Variants in CELF4 observed in about 807,000 individuals in gnomAD.
CELF4 encodes CUGBP Elav-like family member 4.
Under a neutral mutation model 59.9 loss-of-function variants are expected in CELF4, and 18 were observed. The observed-to-expected ratio is 0.30, with a 90% CI of 0.21 to 0.45. The LOEUF (loss-of-function observed/expected upper bound fraction) is 0.45, where lower values mean the gene tolerates loss of function less well. CELF4 is among the 20% of genes least tolerant of loss of function. The pLI is 1.00. For synonymous variants in CELF4, 261 were observed against 267.1 expected (o/e 0.98, Z 0.22); for missense variants, 456 against 689.0 (o/e 0.66, Z 3.79).
intron 2 of CELF4, among the ~76,000 whole-genome samples, chr18:37,393,792 GGAGC>G (rs1569568625): frequency 6.6e-6 from 1 of 151,290 alleles, no homozygotes; most frequent in Non-Finnish European, 1.5e-5. Flanking sequence ...CTGAAGGTGC[GGAGC>G]ACACTTGACA....
intron 10 of CELF4, among the ~76,000 whole-genome samples, chr18:37,261,825 C>T (rs1162087915): frequency 3.9e-5 from 6 of 152,222 alleles, no homozygotes; most frequent in Non-Finnish European, 5.9e-5. Context: ...AGGCTCAGCT[C>T]AAAGATGAGG....
At chr18:37,286,480 C>G (rs1025991720) in intron 3 of CELF4, among the ~76,000 whole-genome samples, 1 of 152,172 alleles carries the variant, frequency 6.6e-6, no homozygotes, top group Non-Finnish European at 1.5e-5. Context: ...TGGGCATGGG[C>G]CTCCTCGGTG....
intron 3 of CELF4, among the ~76,000 whole-genome samples, chr18:37,295,631 G>GC (rs879514664): frequency 4.6e-5 from 7 of 152,214 alleles, no homozygotes; most frequent in Admixed American, 2.0e-4. Context: ...CTACTTTACA[G>GC]AGGAGGAAAT....
At chr18:37,495,741 G>A (rs1205147404) in intron 1 of CELF4, among the ~76,000 whole-genome samples, 1 of 151,826 alleles carries the variant, frequency 6.6e-6, no homozygotes, top group Non-Finnish European at 1.5e-5. Flanking sequence ...AGAGGACTCT[G>A]TCCTTAGGCT....
intron 1 of CELF4, among the ~76,000 whole-genome samples, chr18:37,520,301 G>A (rs1366412921): frequency 6.6e-6 from 1 of 152,218 alleles, no homozygotes; most frequent in African/African-American, 2.4e-5. Flanking sequence ...AACCAGGCCA[G>A]AGTGCTGTGT....
At chr18:37,283,724 A>G (rs1228214060) in intron 3 of CELF4, among the ~76,000 whole-genome samples, 2 of 151,862 alleles carry the variant, frequency 1.3e-5, no homozygotes, top group Non-Finnish European at 2.9e-5. Context: ...GCGGGAACAG[A>G]GCATGGAGTG....
intron 2 of CELF4, among the ~76,000 whole-genome samples, chr18:37,474,626 T>A (rs2099843555): frequency 6.6e-6 from 1 of 152,238 alleles, no homozygotes; most frequent in Non-Finnish European, 1.5e-5. Flanking sequence ...TAAGGCCTGG[T>A]TAAGACCTGG....
rs1009896285 is a variant in CELF4, at chr18:37,246,698, T to A, written c.*45-1501A>T. Among the ~76,000 whole-genome samples the A allele has an allele frequency of 1.3e-5, 2 of 151,542 alleles. No homozygotes were observed. Among genetic ancestry groups the A allele is most frequent in the Non-Finnish European group, 2.9e-5 (2 of 67,902 alleles). ...AGGCCCCCAAATTTCTAGAAAAAAA[T>A]AAAATCACAATATTTTCAAGTGCAA... is the stretch of plus-strand genomic sequence containing the variant. On this transcript the variant is annotated intron_variant, in intron 12 of 12. Coordinates refer to ENST00000420428, the MANE Select transcript of CELF4 (RefSeq NM_020180.4). This position sits in a 1 kb window ranked among gnomAD's most constrained non-coding sequence, Gnocchi z 5.3.
rs749292911 is a variant in CELF4, at chr18:37,462,110, G to A, written c.369+23415C>T. On this transcript the variant is annotated intron_variant, in intron 2 of 12. Coordinates refer to ENST00000420428, the MANE Select transcript of CELF4 (RefSeq NM_020180.4). ...AGTAGGTGATAAGCTTCACCCCACC[G>A]TGAGCCCTGCTGACTCCCTGGAGCA... Among the ~76,000 whole-genome samples, 10 of 152,298 alleles carry A rather than the reference G, an allele frequency of 6.6e-5. No homozygotes were observed. The East Asian group carries it at 1.9e-3, about 29-fold the overall frequency.
chr18:37,470,793 T>G (rs2099818954), intron 2 of CELF4, among the ~76,000 whole-genome samples: 1 of 147,280 alleles, frequency 6.8e-6, no homozygotes, highest in South Asian at 2.2e-4. Context: ...CAGGGAGCAT[T>G]TGCAACACAT....
At chr18:37,499,563 A>C (rs2099929102) in intron 1 of CELF4, among the ~76,000 whole-genome samples, 1 of 152,130 alleles carries the variant, frequency 6.6e-6, no homozygotes. Context: ...GAGCACTCTC[A>C]ACCGTGTTAC....
chr18:37,304,922 G>A (rs537266716), intron 3 of CELF4, among the ~76,000 whole-genome samples: 17 of 152,322 alleles, frequency 1.1e-4, no homozygotes, highest in African/African-American at 3.4e-4. Flanking sequence ...ACAGGAGCCA[G>A]CAGTGGTCCC....
rs528564649 is a variant in CELF4, at chr18:37,406,896, G to A, written c.369+78629C>T. ...ATGGGGAAAGCCAGGAATTCAAGGT[G>A]GGCCTGTCTAGGAGCGGGTGAAGGA... is the stretch of plus-strand genomic sequence containing the variant. On this transcript the variant is annotated intron_variant, in intron 2 of 12. Transcript: ENST00000420428. Among the ~76,000 whole-genome samples, 6 of 152,226 alleles carry A rather than the reference G, an allele frequency of 3.9e-5. No individual in the cohort carries two copies. The South Asian group carries it at 1.0e-3, about 26-fold the overall frequency.
At chr18:37,406,264 C>T (rs549093239) in intron 2 of CELF4, among the ~76,000 whole-genome samples, 1 of 152,184 alleles carries the variant, frequency 6.6e-6, no homozygotes, top group East Asian at 1.9e-4. Context: ...ACACACCCAT[C>T]CCATCTCTAT....
chr18:37,394,264 G>C (rs12456973), intron 2 of CELF4, among the ~76,000 whole-genome samples: 50 of 152,226 alleles, frequency 3.3e-4, no homozygotes, highest in African/African-American at 1.2e-3. Flanking sequence ...GGGCAGCGCA[G>C]AGCAGGGAGA....
chr18:37,336,081 G>A (rs926134144), intron 2 of CELF4, among the ~76,000 whole-genome samples: 1 of 152,206 alleles, frequency 6.6e-6, no homozygotes, highest in African/African-American at 2.4e-5. Flanking sequence ...GCCCTGAGGA[G>A]CAGCCCCCAC....
intron 4 of CELF4, 81 bp downstream of exon 4, chr18:37,275,034 C>T (rs892367916): frequency 5.1e-6 from 8 of 1,560,718 alleles, no homozygotes; most frequent in African/African-American, 4.1e-5. Context: ...GCGATGGCCC[C>T]GGAGACTCAG....
chr18:37,494,638 C>T (rs546307159), intron 1 of CELF4, among the ~76,000 whole-genome samples: 29 of 152,284 alleles, frequency 1.9e-4, no homozygotes, highest in South Asian at 1.0e-3. Context: ...GGGTGCGTAT[C>T]GTCGGCATCT....
intron 3 of CELF4, among the ~76,000 whole-genome samples, chr18:37,320,842 T>TG (rs899456488): frequency 5.3e-5 from 8 of 152,128 alleles, no homozygotes; most frequent in African/African-American, 1.9e-4. Flanking sequence ...CCTATGGGGC[T>TG]GGGGAGTCTG....
Sources: gnomAD v4.1 joint callset for allele counts (sites outside exome capture counted in the v4.1 genomes callset) on GRCh38, gnomAD v4.1.1 for gene constraint, Gnocchi (gnomAD v3.1) non-coding constraint, MANE v1.5 for transcripts, NCBI Gene and HGNC (gene_info 2026-07-23, HGNC 2026-07-21) for gene names.